Variants in CALN1 observed in about 807,000 individuals in gnomAD.
CALN1 encodes calcium-binding protein 8.
In CALN1, 17 loss-of-function variants were observed where a neutral mutation model predicts 30.6. The ratio of observed to expected loss-of-function variants is 0.56; its 90% CI spans 0.38 to 0.83. CALN1 has a LOEUF of 0.83. CALN1 is among the 40% of genes least tolerant of loss of function. The pLI is 0.00. For missense variants in CALN1, 291 were observed against 354.9 expected (o/e 0.82, Z 1.45); for synonymous variants, 156 against 131.4 (o/e 1.19, Z -1.28).
intron 3 of CALN1, among the ~76,000 whole-genome samples, chr7:72,213,568 T>C (rs1030203840): frequency 1.3e-5 from 2 of 152,216 alleles, no homozygotes; most frequent in Non-Finnish European, 2.9e-5. Context: ...TGATACTTAA[T>C]AAATTACACT....
At chr7:72,368,194 T>C (rs369179462) in intron 2 of CALN1, among the ~76,000 whole-genome samples, 1 of 151,368 alleles carries the variant, frequency 6.6e-6, no homozygotes, top group Admixed American at 6.6e-5. Context: ...TCTGTATATA[T>C]ATATGTGTGT....
At chr7:72,447,970 C>T (rs1474914918), upstream of CALN1, among the ~76,000 whole-genome samples, 1 of 149,406 alleles carries the variant, frequency 6.7e-6, no homozygotes, top group Non-Finnish European at 1.5e-5. Context: ...ATACACATGC[C>T]TGCCCATGCA....
chr7:72,219,202 A>C (rs1793081028), intron 3 of CALN1, among the ~76,000 whole-genome samples: 1 of 152,114 alleles, frequency 6.6e-6, no homozygotes, highest in East Asian at 1.9e-4. Context: ...AGCCAGCTGT[A>C]ACTGAGTCAA....
intron 3 of CALN1, among the ~76,000 whole-genome samples, chr7:72,205,297 G>C (rs1249845311): frequency 1.3e-5 from 2 of 151,486 alleles, no homozygotes; most frequent in African/African-American, 4.9e-5. Flanking sequence ...CCGCCTCCCA[G>C]GCTCAAGCAT....
intron 3 of CALN1, among the ~76,000 whole-genome samples, chr7:72,123,009 G>A (rs976201833): frequency 5.9e-5 from 9 of 152,196 alleles, no homozygotes; most frequent in African/African-American, 1.7e-4. Flanking sequence ...ATGGGGGAGA[G>A]AGACTGGGCT....
chr7:72,471,535 G>C, the CALN1 span, among the ~76,000 whole-genome samples: 2 of 152,252 alleles, frequency 1.3e-5, no homozygotes, highest in African/African-American at 4.8e-5. Context: ...CCTCACCAAA[G>C]TGGTGTCCAT....
rs35581465 is a variant in CALN1 at position 71,899,145 on chromosome 7, C to CT, written c.502-88654dup. On this transcript the variant is annotated intron_variant, in intron 5 of 6. Coordinates refer to ENST00000395275, the MANE Select transcript of CALN1 (RefSeq NM_031468.4). ...CCCTCCCAGGCCCCTGCAGAGACAT[C>CT]TTTTTTTTTTTTTTTTTGAGACGGA... Among the ~76,000 whole-genome samples, 921 of 135,556 alleles carry CT rather than the reference C, an allele frequency of 6.8e-3. 8 individuals are homozygous for CT. Among genetic ancestry groups the CT allele is most frequent in the Non-Finnish European group, 9.3e-3 (594 of 63,822 alleles). The allele number at this position is 135,556 out of a possible 152,430, so 88.9% of individuals were successfully genotyped here.
intron 2 of CALN1, among the ~76,000 whole-genome samples, chr7:72,357,843 T>C (rs1014979194): frequency 6.8e-6 from 1 of 146,698 alleles, no homozygotes; most frequent in African/African-American, 2.5e-5. Flanking sequence ...TATATTTATA[T>C]ATATTTATAT....
At chr7:71,811,938 C>A (rs1237354938) in intron 5 of CALN1, among the ~76,000 whole-genome samples, 1 of 151,166 alleles carries the variant, frequency 6.6e-6, no homozygotes, top group Non-Finnish European at 1.5e-5. Context: ...CTCGGCCTCC[C>A]AAAGTGCTGG....
At chr7:72,410,042 C>G (rs1458121023) in intron 1 of CALN1, among the ~76,000 whole-genome samples, 1 of 151,604 alleles carries the variant, frequency 6.6e-6, no homozygotes, top group East Asian at 1.9e-4. Flanking sequence ...ATAATTCTTT[C>G]TTGAAGATAT....
chr7:72,349,727 G>C (rs1802826613), intron 2 of CALN1, among the ~76,000 whole-genome samples: 1 of 152,154 alleles, frequency 6.6e-6, no homozygotes, highest in African/African-American at 2.4e-5. Context: ...TATTGGTCAT[G>C]TATATGTCTT....
At chr7:71,949,723 C>T (rs796641810) in intron 5 of CALN1, among the ~76,000 whole-genome samples, 45 of 151,926 alleles carry the variant, frequency 3.0e-4, no homozygotes, top group African/African-American at 1.0e-3. Flanking sequence ...ACAGGGCTCT[C>T]GAGCCCCTAT....
At chr7:71,801,472 C>CTATCT (rs1554340287) in intron 6 of CALN1, among the ~76,000 whole-genome samples, 1 of 151,280 alleles carries the variant, frequency 6.6e-6, no homozygotes, top group African/African-American at 2.4e-5. Context: ...ATCTATCTAT[C>CTATCT]GAGACAGGGT....
At chr7:72,209,109 CTCTT>C (rs779486823) in intron 3 of CALN1, among the ~76,000 whole-genome samples, 6 of 137,466 alleles carry the variant, frequency 4.4e-5, no homozygotes, top group East Asian at 2.3e-4. Flanking sequence ...TGTCATTTCT[CTCTT>C]TTTTACTCCT....
chr7:72,046,156 T>C (rs1287208118), intron 4 of CALN1, among the ~76,000 whole-genome samples: 1 of 151,666 alleles, frequency 6.6e-6, no homozygotes, highest in Non-Finnish European at 1.5e-5. Context: ...CTATAAGAAA[T>C]ACAAAAATAA....
At chr7:72,146,729 C>T (rs1311112790) in intron 3 of CALN1, among the ~76,000 whole-genome samples, 1 of 152,190 alleles carries the variant, frequency 6.6e-6, no homozygotes, top group Non-Finnish European at 1.5e-5. Flanking sequence ...TACTACAAGG[C>T]TACAGTAACC....
In CALN1 at chr7:71,814,209, T is replaced by C. The variant is rs73360082; in HGVS notation, c.502-3717A>G. Among the ~76,000 whole-genome samples, 812 of 152,328 alleles carry C rather than the reference T, an allele frequency of 5.3e-3. 8 individuals carry two copies. The highest frequency in any genetic ancestry group is 0.018 in the African/African-American group (763 of 41,580). On this transcript the variant is annotated intron_variant, in intron 5 of 6. Coordinates refer to ENST00000395275, the MANE Select transcript of CALN1 (RefSeq NM_031468.4). ...AACTGCTCTGAGCCTCTGACCGCTA[T>C]GGGTATCCCATGTTTTGCTTTCCAG... is the stretch of plus-strand genomic sequence containing the variant.
At chr7:71,935,214 G>A (rs569633398) in intron 5 of CALN1, among the ~76,000 whole-genome samples, 1 of 152,258 alleles carries the variant, frequency 6.6e-6, no homozygotes, top group African/African-American at 2.4e-5. Context: ...TACTGAAGAC[G>A]AACTAGACAG....
chr7:72,331,471 T>TC (rs1801674476), intron 2 of CALN1, among the ~76,000 whole-genome samples: 3 of 152,166 alleles, frequency 2.0e-5, no homozygotes, highest in African/African-American at 7.2e-5. Context: ...ATCAGATATG[T>TC]CCTCTGAGCA....
Sources: gnomAD v4.1 joint callset for allele counts (sites outside exome capture counted in the v4.1 genomes callset) on GRCh38, gnomAD v4.1.1 for gene constraint, MANE v1.5 for transcripts, NCBI Gene and HGNC (gene_info 2026-07-23, HGNC 2026-07-21) for gene names.